The following KPNA2 variants were observed in gnomAD, a reference collection of about 807,000 sequenced individuals.
KPNA2 encodes the protein importin subunit alpha-1.
In KPNA2, 20 loss-of-function variants were observed where a neutral mutation model predicts 53.7. The ratio of observed to expected loss-of-function variants is 0.37; its 90% CI spans 0.26 to 0.54. KPNA2 has a LOEUF of 0.54. Among genes scored for constraint, KPNA2 ranks in the 20% least tolerant of loss-of-function variants. KPNA2 has a pLI of 0.83. For synonymous variants in KPNA2, 238 were observed against 227.5 expected (o/e 1.05, Z -0.42); for missense variants, 515 against 640.3 (o/e 0.80, Z 2.11).
chr17:68,044,176 T>G (rs2071300820), intron 8 of KPNA2, 105 bp downstream of exon 8: 1 of 1,262,660 alleles, frequency 7.9e-7, no homozygotes, highest in Non-Finnish European at 1.1e-6. Flanking sequence ...CTAGGAGTCC[T>G]TTGCTGAACA....
At chr17:68,045,518 T>G (rs1225465870) in intron 9 of KPNA2, 1 of 343,386 alleles carries the variant, frequency 2.9e-6, no homozygotes, top group Non-Finnish European at 5.3e-6. Context: ...TTTTGATACA[T>G]AGAAAAGGTT....
chr17:68,040,833 G>A, intron 4 of KPNA2, 67 bp downstream of exon 4: 1 of 971,410 alleles, frequency 1.0e-6, no homozygotes, highest in South Asian at 1.3e-5. Context: ...TTTTTGGGGG[G>A]TGGGGCAGGA....
chr17:68,041,747 C>T (rs1268745764), intron 4 of KPNA2, among the ~76,000 whole-genome samples: 5 of 152,042 alleles, frequency 3.3e-5, no homozygotes, highest in African/African-American at 1.2e-4. Flanking sequence ...TGCTTAACCA[C>T]AACTATCAGA....
intron 4 of KPNA2, among the ~76,000 whole-genome samples, chr17:68,041,385 G>C (rs782218517): frequency 2.0e-5 from 3 of 152,072 alleles, no homozygotes; most frequent in Non-Finnish European, 4.4e-5. Flanking sequence ...AACATGGTGA[G>C]AGCCAGTTTC....
intron 3 of KPNA2, among the ~76,000 whole-genome samples, chr17:68,038,023 C>T (rs1555704016): frequency 6.6e-6 from 1 of 152,150 alleles, no homozygotes; most frequent in Non-Finnish European, 1.5e-5. Flanking sequence ...GTCGCCCAGG[C>T]TAGCGTGCAG....
At chr17:68,040,818 ATT>A in intron 4 of KPNA2, 52 bp downstream of exon 4, 3 of 919,156 alleles carry the variant, frequency 3.3e-6, no homozygotes, top group East Asian at 2.9e-5. Flanking sequence ...GTGTTTTTAG[ATT>A]TTTTTTTGGG....
rs782490256 is a variant in KPNA2, at chr17:68,037,216, C to G, written c.75+9C>G. On this transcript the variant is annotated intron_variant, in intron 2 of 10. Transcript: ENST00000330459. ...AGGGAAAAGACAGTACAGTGAGTAC[C>G]TTCTGTTGCTTTCCTGTGGTGGTAT... 1.2e-6 allele frequency: 2 copies of G among 1,605,192 alleles called. No homozygotes were observed. Among genetic ancestry groups the G allele is most frequent in the Non-Finnish European group, 1.7e-6 (2 of 1,175,056 alleles).
chr17:68,036,866 A>T, intron 1 of KPNA2: 1 of 331,252 alleles, frequency 3.0e-6, no homozygotes, highest in South Asian at 5.0e-5. Flanking sequence ...GGAAGTTTCA[A>T]TTTATATAGC....
At chr17:68,045,983 T>A in intron 10 of KPNA2, 62 bp downstream of exon 10, 2 of 1,075,808 alleles carry the variant, frequency 1.9e-6, no homozygotes, top group Non-Finnish European at 2.6e-6. Flanking sequence ...CCATAAGCCT[T>A]TTTTTCCCTT....
chr17:68,037,565 T>G, intron 3 of KPNA2, 70 bp downstream of exon 3: 1 of 1,423,374 alleles, frequency 7.0e-7, no homozygotes. Context: ...TCTTAGAAAT[T>G]CAAGTAAACT....
In KPNA2 at chr17:68,045,974, C is replaced by T. The variant is rs1240228779; in HGVS notation, c.1497+53C>T. ...CAACTTGGAAACATAAAGTCAAGGCCATAAGCCTTTTTTTCCCTTTTAAAA... is the reference window on the plus strand; with the variant it reads ...CAACTTGGAAACATAAAGTCAAGGCTATAAGCCTTTTTTTCCCTTTTAAAA... On this transcript the variant is annotated intron_variant, in intron 10 of 10. Coordinates refer to ENST00000330459, the MANE Select transcript of KPNA2 (RefSeq NM_002266.4). 4 of 1,211,770 alleles carry T rather than the reference C, an allele frequency of 3.3e-6. No homozygotes were observed. In the African/African-American group the frequency reaches 4.6e-5, roughly 14 times the overall value. The allele number at this position is 1,211,770 out of a possible 1,614,324, so 75.1% of individuals were successfully genotyped here.
intron 5 of KPNA2, among the ~76,000 whole-genome samples, 188 bp from the exon 6 acceptor site, chr17:68,042,717 C>G: frequency 6.6e-6 from 1 of 151,994 alleles, no homozygotes; most frequent in East Asian, 1.9e-4. Context: ...CCCACCTCTA[C>G]TAAAAATACA....
At chr17:68,039,137 T>C (rs951306411) in intron 3 of KPNA2, among the ~76,000 whole-genome samples, 2 of 152,110 alleles carry the variant, frequency 1.3e-5, no homozygotes, top group Non-Finnish European at 2.9e-5. Flanking sequence ...TTTTTTTGTT[T>C]TGAGACAAAA....
In KPNA2 at chr17:68,037,182, T is replaced by G; in HGVS notation, c.50T>G (p.Phe17Cys). 6.2e-7 allele frequency: 1 copy of G among 1,613,378 alleles called. No individual in the cohort carries two copies. The highest frequency in any genetic ancestry group is 8.5e-7 in the Non-Finnish European group (1 of 1,179,700). The change falls in exon 2 of 11, where the codon TTC (phenylalanine) becomes TGC (cysteine). Residue 17 changes from phenylalanine (F) to cysteine (C), a missense_variant. By Grantham distance (205) the Phe-to-Cys change is radical. Coordinates refer to ENST00000330459, the MANE Select transcript of KPNA2 (RefSeq NM_002266.4). ...ACACCAGCTGCCCGTCTTCACAGATTCAAGAACAAGGGAAAAGACAGTACA... is the reference window on the plus strand; with the variant it reads ...ACACCAGCTGCCCGTCTTCACAGATGCAAGAACAAGGGAAAAGACAGTACA... The part of the protein sequence containing the change: ...ANTPAARLHR[F>C]KNKGKDSTEM...
In KPNA2 at chr17:68,043,331, AAGCTTCTAGG is replaced by A; in HGVS notation, c.906_915del (p.Gly303AsnfsTer5). 6.2e-7 allele frequency: 1 copy of A among 1,614,196 alleles called. No individual in the cohort carries two copies. Among genetic ancestry groups the A allele is most frequent in the Non-Finnish European group, 8.5e-7 (1 of 1,180,034 alleles). On this transcript the variant is annotated frameshift_variant, in exon 7 of 11. Coordinates refer to ENST00000330459, the MANE Select transcript of KPNA2 (RefSeq NM_002266.4). LOFTEE classifies it high-confidence loss of function. ...AACAGGAGTTGTGCCCCAACTTGTG[AAGCTTCTAGG>A]AGCTTCTGAATTGCCAATTGTGGTA...
intron 3 of KPNA2, 123 bp downstream of exon 3, chr17:68,037,618 T>A: frequency 1.1e-6 from 1 of 913,852 alleles, no homozygotes; most frequent in Non-Finnish European, 1.7e-6. Context: ...TGTGAACATC[T>A]TTTTCTCTGT....
chr17:68,045,914 C>T lies in KPNA2; in HGVS notation c.1490C>T (p.Ser497Phe). The T allele has an allele frequency of 6.3e-7, 1 of 1,576,048 alleles. No homozygotes were observed. The highest frequency in any genetic ancestry group is 1.2e-5 in the South Asian group (1 of 85,094). Reference sequence around the variant, plus strand: ...TTAAGCTTAATTGAGAAGTATTTCTCTGTAGAGGTGAGTAATGGATGGTAA... The same window carrying T: ...TTAAGCTTAATTGAGAAGTATTTCTTTGTAGAGGTGAGTAATGGATGGTAA... ...ASLSLIEKYF[S>F]VEEEEDQNVV... Residue 497 changes from serine to phenylalanine, a missense_variant, in exon 10 of 11, where the codon TCT becomes TTT. Physicochemically the swap from Ser to Phe is radical, Grantham distance 155. Transcript: ENST00000330459.
intron 3 of KPNA2, among the ~76,000 whole-genome samples, chr17:68,039,425 A>G (rs542763997): frequency 6.6e-6 from 1 of 151,766 alleles, no homozygotes; most frequent in East Asian, 1.9e-4. Flanking sequence ...CCAGCCAAAC[A>G]TAAACCATTT....
Position 68,046,655 on chromosome 17 carries a change from T to G in KPNA2, c.*59T>G, listed in dbSNP as rs2071335246. 17 of 1,054,216 alleles carry G rather than the reference T, an allele frequency of 1.6e-5. No individual in the cohort carries two copies. Among genetic ancestry groups the G allele is most frequent in the Non-Finnish European group, 2.2e-5 (15 of 684,640 alleles). 65.3% of individuals were successfully genotyped at this position (1,054,216 alleles called of 1,614,324 possible). ...TACGTTTGGTATTTTGTCTTATTGT[T>G]TCTCTACTAAGAACTCTTTCTTAAA... On this transcript the variant is annotated 3_prime_UTR_variant, in exon 11 of 11. Transcript: ENST00000330459.
Sources: gnomAD v4.1 joint callset for allele counts (sites outside exome capture counted in the v4.1 genomes callset) on GRCh38, gnomAD v4.1.1 for gene constraint, MANE v1.5 for transcripts, NCBI Gene and HGNC (gene_info 2026-07-23, HGNC 2026-07-21) for gene names.